The following UNC13C variants were observed in gnomAD, a reference collection of about 807,000 sequenced individuals.
UNC13C encodes protein unc-13 homolog C.
A neutral mutation model predicts 245.4 loss-of-function variants in UNC13C; 174 were observed. The ratio of observed to expected loss-of-function variants is 0.71; its 90% CI spans 0.63 to 0.80. The LOEUF (loss-of-function observed/expected upper bound fraction) is 0.80, where lower values mean the gene tolerates loss of function less well. Among genes scored for constraint, UNC13C ranks in the 30% least tolerant of loss-of-function variants. UNC13C has a pLI of 0.00. For missense variants in UNC13C, 2,829 were observed against 2,602.9 expected (o/e 1.09, Z -1.89); for synonymous variants, 992 against 895.1 (o/e 1.11, Z -1.93).
At chr15:54,507,076 C>T in intron 22 of UNC13C, 41 bp from the exon 23 acceptor site, 2 of 1,356,872 alleles carry the variant, frequency 1.5e-6, no homozygotes, top group Non-Finnish European at 1.0e-6. Context: ...TTGTAAACTA[C>T]ATACTTACCT....
intron 4 of UNC13C, among the ~76,000 whole-genome samples, chr15:54,234,374 CA>C (rs2035633187): frequency 1.3e-5 from 2 of 151,916 alleles, no homozygotes; most frequent in South Asian, 4.2e-4. Context: ...TTATTCTTCC[CA>C]TTGATTCATT....
intron 1 of UNC13C, among the ~76,000 whole-genome samples, chr15:53,979,379 T>A (rs919200165): frequency 6.6e-6 from 1 of 152,240 alleles, no homozygotes; most frequent in Non-Finnish European, 1.5e-5. Context: ...GCATCCAGTC[T>A]GAAGCAAAAG....
chr15:54,431,196 G>T (rs535653470), intron 19 of UNC13C, among the ~76,000 whole-genome samples: 12 of 151,722 alleles, frequency 7.9e-5, no homozygotes, highest in African/African-American at 2.2e-4. Context: ...AGAAATTCAG[G>T]TTTATAACAT....
chr15:54,132,823 T>G (rs1187793118), intron 2 of UNC13C, among the ~76,000 whole-genome samples: 1 of 152,224 alleles, frequency 6.6e-6, no homozygotes, highest in East Asian at 1.9e-4. Context: ...AAATTTATAC[T>G]GTGTTATCAC....
At chr15:54,197,971 G>C (rs1457010937) in intron 4 of UNC13C, among the ~76,000 whole-genome samples, 1 of 152,114 alleles carries the variant, frequency 6.6e-6, no homozygotes, top group African/African-American at 2.4e-5. Context: ...ACTCGGTGCT[G>C]TTGGAGGGGT....
the UNC13C span, among the ~76,000 whole-genome samples, chr15:53,872,938 G>A: frequency 3.9e-5 from 6 of 152,096 alleles, no homozygotes; most frequent in Non-Finnish European, 5.9e-5. Context: ...ATGTTCCATG[G>A]CTTTCAGATT....
At chr15:54,360,746 C>T (rs1390308251) in intron 17 of UNC13C, among the ~76,000 whole-genome samples, 3 of 151,972 alleles carry the variant, frequency 2.0e-5, no homozygotes, top group Non-Finnish European at 4.4e-5. Context: ...GTACAGTATT[C>T]TTGGTTGGCA....
chr15:53,844,057 G>C, the UNC13C span, among the ~76,000 whole-genome samples: 1 of 152,180 alleles, frequency 6.6e-6, no homozygotes, highest in African/African-American at 2.4e-5. Flanking sequence ...AAGGGGAACT[G>C]ATAATGGAAG....
intron 24 of UNC13C, among the ~76,000 whole-genome samples, chr15:54,514,900 A>G (rs1228657577): frequency 6.6e-6 from 1 of 152,174 alleles, no homozygotes; most frequent in East Asian, 1.9e-4. Flanking sequence ...TTGCATGCAC[A>G]ATATCCTATG....
chr15:54,448,720 C>T (rs1028225129), intron 19 of UNC13C, among the ~76,000 whole-genome samples: 1 of 152,160 alleles, frequency 6.6e-6, no homozygotes, highest in Non-Finnish European at 1.5e-5. Context: ...GGTCTTGATT[C>T]TCTATCCAAT....
chr15:54,392,602 A>G (rs980506936), intron 17 of UNC13C, among the ~76,000 whole-genome samples: 7 of 151,880 alleles, frequency 4.6e-5, no homozygotes, highest in Non-Finnish European at 8.8e-5. Context: ...AACTTTGAGC[A>G]AAATATTTAG....
At chr15:53,879,620 G>A in the UNC13C span, among the ~76,000 whole-genome samples, 5 of 151,502 alleles carry the variant, frequency 3.3e-5, no homozygotes, top group Non-Finnish European at 5.9e-5. Flanking sequence ...ACGGAGTCTC[G>A]CTCTGTCGCC....
chr15:54,127,838 T>G (rs1349574300), intron 2 of UNC13C, among the ~76,000 whole-genome samples: 5 of 149,120 alleles, frequency 3.4e-5, no homozygotes, highest in Non-Finnish European at 7.4e-5. Context: ...TGAACCTTCC[T>G]CCTTGGGAAC....
chr15:54,459,637 C>G (rs1169209610), intron 19 of UNC13C, among the ~76,000 whole-genome samples: 2 of 151,900 alleles, frequency 1.3e-5, no homozygotes, highest in African/African-American at 2.4e-5. Flanking sequence ...ATTTGAAAGC[C>G]TTGTCTTTGA....
chr15:54,566,389 T>C (rs1003236356), intron 29 of UNC13C, among the ~76,000 whole-genome samples: 1 of 152,136 alleles, frequency 6.6e-6, no homozygotes, highest in Non-Finnish European at 1.5e-5. Flanking sequence ...TAACATTCTT[T>C]ATAAGATCCA....
At chr15:54,266,658 T>C (rs1369922125) in intron 10 of UNC13C, among the ~76,000 whole-genome samples, 3 of 151,768 alleles carry the variant, frequency 2.0e-5, no homozygotes, top group Non-Finnish European at 2.9e-5. Flanking sequence ...TGAGGTGTAA[T>C]TGACATTACA....
chr15:54,506,919 A>C (rs1180873778), intron 22 of UNC13C, among the ~76,000 whole-genome samples, 198 bp from the exon 23 acceptor site: 2 of 152,118 alleles, frequency 1.3e-5, no homozygotes, highest in South Asian at 4.1e-4. Context: ...TTTAATTAAC[A>C]TGGTTTATTT....
chr15:54,120,729 G>A (rs1446921886), intron 2 of UNC13C, among the ~76,000 whole-genome samples: 1 of 151,946 alleles, frequency 6.6e-6, no homozygotes, highest in Non-Finnish European at 1.5e-5. Context: ...ATGGGAGGAG[G>A]TCAAAATACC....
chr15:54,114,315 C>T (rs183678601), intron 2 of UNC13C, among the ~76,000 whole-genome samples: 1 of 152,180 alleles, frequency 6.6e-6, no homozygotes, highest in African/African-American at 2.4e-5. Flanking sequence ...CTCTCTTGTC[C>T]TATATCCTTC....
Sources: allele counts gnomAD v4.1 joint callset (sites outside exome capture counted in the v4.1 genomes callset), GRCh38; gene constraint gnomAD v4.1.1; transcripts MANE v1.5; gene names NCBI Gene and HGNC (gene_info 2026-07-23, HGNC 2026-07-21).